The following ANKS1B variants were observed in gnomAD, a reference collection of about 807,000 sequenced individuals.
ANKS1B encodes ankyrin repeat and sterile alpha motif domain containing 1B.
In ANKS1B, 36 loss-of-function variants were observed where a neutral mutation model predicts 148.3. That is an observed-to-expected ratio of 0.24 (90% CI 0.19 to 0.32). The LOEUF is 0.32. Ranked by LOEUF, ANKS1B falls within the 10% of genes least tolerant of loss-of-function variation. ANKS1B has a pLI of 1.00. For missense variants in ANKS1B, 1,157 were observed against 1,542.6 expected (o/e 0.75, Z 4.19); for synonymous variants, 542 against 560.8 (o/e 0.97, Z 0.47).
chr12:99,817,227 CT>C (rs938786570), intron 2 of ANKS1B, among the ~76,000 whole-genome samples: 4 of 150,542 alleles, frequency 2.7e-5, no homozygotes, highest in South Asian at 2.1e-4. Flanking sequence ...ATGAGATCCC[CT>C]TTTTTTTAGC....
intron 1 of ANKS1B, among the ~76,000 whole-genome samples, chr12:99,866,972 G>A (rs536252209): frequency 1.6e-4 from 25 of 152,108 alleles, no homozygotes; most frequent in South Asian, 6.2e-4. Context: ...GTGTATGTCC[G>A]GTAATCCCTC....
rs895986603 is a variant in ANKS1B, at chr12:99,575,728, G to A, written c.1273-71087C>T. Among the ~76,000 whole-genome samples the A allele has an allele frequency of 1.1e-4, 17 of 152,106 alleles. 1 individual carries two copies. In the South Asian group the frequency reaches 1.2e-3, roughly 11 times the overall value. On this transcript the variant is annotated intron_variant, in intron 9 of 26. Coordinates refer to ENST00000683438, the MANE Select transcript of ANKS1B (RefSeq NM_001352186.2). ...CCTCCCACAACACATGGGAATTATG[G>A]GAGCTACAGTTCAAGATGAGATTTG...
intron 4 of ANKS1B, among the ~76,000 whole-genome samples, chr12:99,787,226 G>T (rs1468952952): frequency 6.6e-6 from 1 of 152,078 alleles, no homozygotes; most frequent in Non-Finnish European, 1.5e-5. Context: ...CGGCTGGGAG[G>T]TAATTTACTC....
At chr12:99,494,405 G>A (rs955309521) in intron 10 of ANKS1B, among the ~76,000 whole-genome samples, 1 of 152,056 alleles carries the variant, frequency 6.6e-6, no homozygotes, top group Non-Finnish European at 1.5e-5. Flanking sequence ...TTGTTCTTGT[G>A]GTTTGCTACT....
At chr12:99,713,419 T>C (rs923157546) in intron 8 of ANKS1B, among the ~76,000 whole-genome samples, 1 of 152,146 alleles carries the variant, frequency 6.6e-6, no homozygotes, top group South Asian at 2.1e-4. Context: ...TGTTTAACAG[T>C]TCTTCCCTTA....
At chr12:98,806,511 G>A (rs907646871) in intron 20 of ANKS1B, among the ~76,000 whole-genome samples, 1 of 152,142 alleles carries the variant, frequency 6.6e-6, no homozygotes, top group Non-Finnish European at 1.5e-5. Context: ...CAATAATTAT[G>A]ACAAATTTCA....
At chr12:99,761,061 C>T (rs972504345) in intron 8 of ANKS1B, among the ~76,000 whole-genome samples, 2 of 48,504 alleles carry the variant, frequency 4.1e-5, no homozygotes, top group Admixed American at 4.4e-4. Context: ...AAAAGCCTAA[C>T]AACCAAAAAA....
At chr12:99,228,450 C>T (rs947112322) in intron 14 of ANKS1B, among the ~76,000 whole-genome samples, 2 of 151,830 alleles carry the variant, frequency 1.3e-5, no homozygotes, top group Non-Finnish European at 2.9e-5. Flanking sequence ...TATCTTCTAT[C>T]TGTATGTGAT....
chr12:98,997,847 GT>G (rs1425114811), intron 17 of ANKS1B, among the ~76,000 whole-genome samples: 1 of 152,088 alleles, frequency 6.6e-6, no homozygotes, highest in African/African-American at 2.4e-5. Context: ...AATAATTATT[GT>G]TAAGATTTTC....
At chr12:99,313,607 T>C (rs2083515131) in intron 12 of ANKS1B, among the ~76,000 whole-genome samples, 1 of 152,172 alleles carries the variant, frequency 6.6e-6, no homozygotes, top group Admixed American at 6.5e-5. Flanking sequence ...GCAAGGTTGG[T>C]TCAACATACG....
At chr12:99,372,948 G>T (rs1193440393) in intron 12 of ANKS1B, among the ~76,000 whole-genome samples, 1 of 152,062 alleles carries the variant, frequency 6.6e-6, no homozygotes, top group Admixed American at 6.6e-5. Flanking sequence ...TTTCTGGAAT[G>T]ATATTGGAAT....
intron 17 of ANKS1B, among the ~76,000 whole-genome samples, chr12:98,994,720 G>A (rs1287271925): frequency 2.0e-5 from 3 of 152,126 alleles, no homozygotes; most frequent in East Asian, 1.9e-4. Flanking sequence ...GTTTGCAGAC[G>A]GCTGCCTTCT....
intron 9 of ANKS1B, among the ~76,000 whole-genome samples, chr12:99,510,819 A>G (rs1160318024): frequency 6.6e-6 from 1 of 151,960 alleles, no homozygotes; most frequent in Non-Finnish European, 1.5e-5. Flanking sequence ...GAAGACTCAA[A>G]TAATTCAGCA....
chr12:99,264,969 G>A (rs1356676804), intron 12 of ANKS1B, among the ~76,000 whole-genome samples: 2 of 152,088 alleles, frequency 1.3e-5, no homozygotes, highest in Non-Finnish European at 2.9e-5. Flanking sequence ...CTGTTCAGTA[G>A]AATTTTCTAT....
chr12:99,585,623 G>A (rs2097627286), intron 9 of ANKS1B, among the ~76,000 whole-genome samples: 1 of 152,152 alleles, frequency 6.6e-6, no homozygotes, highest in African/African-American at 2.4e-5. Context: ...TGAGAGCCTT[G>A]TGCCTGCAGC....
chr12:99,778,023 T>C (rs12227944), intron 6 of ANKS1B, among the ~76,000 whole-genome samples: 66,505 of 151,052 alleles, frequency 0.44, 15,279 homozygotes, highest in South Asian at 0.65. Context: ...ATCGTGAAAC[T>C]CCGTCTCTAC....
chr12:98,862,724 T>G (rs1364020944), intron 17 of ANKS1B, among the ~76,000 whole-genome samples: 1 of 152,192 alleles, frequency 6.6e-6, no homozygotes, highest in African/African-American at 2.4e-5. Flanking sequence ...TATAGGTTCT[T>G]ACTCTCAAGT....
At chr12:99,262,513 T>C (rs2076024516) in intron 12 of ANKS1B, among the ~76,000 whole-genome samples, 1 of 152,036 alleles carries the variant, frequency 6.6e-6, no homozygotes, top group Non-Finnish European at 1.5e-5. Flanking sequence ...TAAAATAATA[T>C]CTGTTCATTC....
intron 15 of ANKS1B, among the ~76,000 whole-genome samples, chr12:99,106,856 T>C (rs942132738): frequency 4.6e-5 from 7 of 152,220 alleles, no homozygotes; most frequent in African/African-American, 1.4e-4. Context: ...ATTTATATTC[T>C]GTAGATCATT....
Sources: gnomAD v4.1 joint callset for allele counts (sites outside exome capture counted in the v4.1 genomes callset) on GRCh38, gnomAD v4.1.1 for gene constraint, MANE v1.5 for transcripts, NCBI Gene and HGNC (gene_info 2026-07-23, HGNC 2026-07-21) for gene names.